The following CEP63 variants were observed in gnomAD, a reference collection of about 807,000 sequenced individuals.
The protein encoded by CEP63 is centrosomal protein of 63 kDa.
A neutral mutation model predicts 89.1 loss-of-function variants in CEP63; 84 were observed. The ratio of observed to expected loss-of-function variants is 0.94; its 90% CI spans 0.79 to 1.13. The LOEUF (loss-of-function observed/expected upper bound fraction) is 1.13, where lower values mean the gene tolerates loss of function less well. CEP63 is among the 50% of genes most tolerant of loss of function. The probability of loss-of-function intolerance (pLI) is 0.00; values close to 1 mark genes in which losing one functional copy is unlikely to be tolerated. For missense variants in CEP63, 838 were observed against 813.3 expected (o/e 1.03, Z -0.37); for synonymous variants, 267 against 272.5 (o/e 0.98, Z 0.20).
intron 12 of CEP63, among the ~76,000 whole-genome samples, chr3:134,555,419 G>A (rs1453716629): frequency 6.6e-6 from 1 of 150,958 alleles, no homozygotes; most frequent in Admixed American, 6.6e-5. Context: ...AGCAACTTCA[G>A]CAAAGTCTCA....
In CEP63 at chr3:134,531,866, G is replaced by A. The variant is rs1432144622; in HGVS notation, c.244G>A (p.Val82Ile). 1 of 1,613,456 alleles carries A rather than the reference G, an allele frequency of 6.2e-7. No homozygotes were observed. The highest frequency in any genetic ancestry group is 1.1e-5 in the South Asian group (1 of 91,070). The change falls in exon 4 of 15, where the codon GTA (valine) becomes ATA (isoleucine). Residue 82 changes from valine to isoleucine, a missense_variant. By Grantham distance (29) the Val-to-Ile change is conservative. Coordinates refer to ENST00000675561, the MANE Select transcript of CEP63 (RefSeq NM_001353108.3). ...TTAGGTTGGAATGTTGCATCAGCAG[G>A]TAGAAGAACATGAAAAAATCAAGCA... ...HKEVGMLHQQ[V>I]EEHEKIKQEM...
At chr3:134,677,660 ATCT>A in the CEP63 span, among the ~76,000 whole-genome samples, 1 of 151,966 alleles carries the variant, frequency 6.6e-6, no homozygotes, top group Non-Finnish European at 1.5e-5. Context: ...AACTGCTCTC[ATCT>A]TCTCCTCCTT....
chr3:134,778,165 T>G, the CEP63 span, among the ~76,000 whole-genome samples: 1 of 150,560 alleles, frequency 6.6e-6, no homozygotes, highest in African/African-American at 2.5e-5. Context: ...TGATGTGATC[T>G]CAGCTCACTG....
the CEP63 span, among the ~76,000 whole-genome samples, chr3:134,592,852 C>T: frequency 6.6e-6 from 1 of 151,970 alleles, no homozygotes; most frequent in Admixed American, 6.6e-5. Flanking sequence ...TTCTTTTCAT[C>T]TGCTCTTTTG....
chr3:134,775,243 G>A, the CEP63 span, among the ~76,000 whole-genome samples: 1 of 152,144 alleles, frequency 6.6e-6, no homozygotes, highest in African/African-American at 2.4e-5. Flanking sequence ...GTGTCCTCAG[G>A]GAAGAGGAGA....
chr3:134,751,513 G>T, the CEP63 span, among the ~76,000 whole-genome samples: 1 of 152,122 alleles, frequency 6.6e-6, no homozygotes, highest in Non-Finnish European at 1.5e-5. Context: ...CTTAGGTGGG[G>T]GTGAGAGATG....
the CEP63 span, among the ~76,000 whole-genome samples, chr3:134,634,003 T>C: frequency 6.6e-6 from 1 of 152,222 alleles, no homozygotes; most frequent in African/African-American, 2.4e-5. Flanking sequence ...CCATTTCCCA[T>C]AGTTCCAAAA....
chr3:134,507,383 C>T (rs1156813399), intron 3 of CEP63, 97 bp downstream of exon 3: 9 of 897,542 alleles, frequency 1.0e-5, no homozygotes, highest in East Asian at 2.7e-5. Flanking sequence ...AATTTGTATA[C>T]CAAGTTAGTT....
At chr3:134,533,634 A>G (rs941771969) in intron 5 of CEP63, among the ~76,000 whole-genome samples, 1 of 152,218 alleles carries the variant, frequency 6.6e-6, no homozygotes, top group African/African-American at 2.4e-5. Context: ...TGTCCTTGCC[A>G]TTAGTTCTTC....
chr3:134,734,502 C>G, the CEP63 span, among the ~76,000 whole-genome samples: 4 of 152,070 alleles, frequency 2.6e-5, no homozygotes, highest in Admixed American at 6.6e-5. Flanking sequence ...GCAAGAGGCA[C>G]AAGTAAACAA....
At chr3:134,521,235 C>G (rs982274587) in intron 3 of CEP63, among the ~76,000 whole-genome samples, 4 of 152,032 alleles carry the variant, frequency 2.6e-5, no homozygotes, top group Non-Finnish European at 4.4e-5. Context: ...TAAACATACA[C>G]CAGAAAGGCT....
chr3:134,737,381 A>G, the CEP63 span, among the ~76,000 whole-genome samples: 1 of 152,206 alleles, frequency 6.6e-6, no homozygotes, highest in Non-Finnish European at 1.5e-5. Flanking sequence ...GATACTTGTA[A>G]TATACCCAAC....
At chr3:134,518,124 A>G (rs1267031687) in intron 3 of CEP63, among the ~76,000 whole-genome samples, 1 of 152,210 alleles carries the variant, frequency 6.6e-6, no homozygotes, top group African/African-American at 2.4e-5. Flanking sequence ...ATTCAATTCT[A>G]TAAATACTTA....
At chr3:134,724,070 G>C in the CEP63 span, among the ~76,000 whole-genome samples, 1 of 152,258 alleles carries the variant, frequency 6.6e-6, no homozygotes, top group African/African-American at 2.4e-5. Context: ...GGGTGAGATT[G>C]CTATTATCCA....
At chr3:134,538,531 GTGTA>G (rs1485223483) in intron 6 of CEP63, among the ~76,000 whole-genome samples, 27 of 99,668 alleles carry the variant, frequency 2.7e-4, no homozygotes, top group African/African-American at 6.4e-4. Context: ...TTGTGTGTGT[GTGTA>G]TATATATATA....
chr3:134,763,577 A>G, the CEP63 span, among the ~76,000 whole-genome samples: 1 of 152,166 alleles, frequency 6.6e-6, no homozygotes, highest in African/African-American at 2.4e-5. Flanking sequence ...TTCATCCTTG[A>G]TTTAAGATAT....
chr3:134,680,488 A>G, the CEP63 span, among the ~76,000 whole-genome samples: 1 of 152,190 alleles, frequency 6.6e-6, no homozygotes, highest in African/African-American at 2.4e-5. Flanking sequence ...AGCTGGGCCC[A>G]TCACTCCCCG....
the CEP63 span, among the ~76,000 whole-genome samples, chr3:134,669,637 T>C: frequency 6.6e-6 from 1 of 152,236 alleles, no homozygotes; most frequent in Non-Finnish European, 1.5e-5. Flanking sequence ...CAGTTTATTT[T>C]ACTTATTGAG....
Position 134,561,646 on chromosome 3 carries a change from C to G in CEP63, c.*111C>G. 6.6e-7 allele frequency: 1 copy of G among 1,511,370 alleles called. No homozygotes were observed. The highest frequency in any genetic ancestry group is 1.3e-5 in the South Asian group (1 of 77,152). The allele number at this position is 1,511,370 out of a possible 1,614,324, so 93.6% of individuals were successfully genotyped here. A position where few individuals can be genotyped will look rare whatever the true frequency, so the allele number is the denominator to read the frequency against. On this transcript the variant is annotated 3_prime_UTR_variant, in exon 15 of 15. Coordinates refer to ENST00000675561, the MANE Select transcript of CEP63 (RefSeq NM_001353108.3). ...AAGAGATAAAATTATAAAAATGATA[C>G]ATCTAAAGCAGTGGTGAAGAAAGCT... is the stretch of plus-strand genomic sequence containing the variant.
Sources: gnomAD v4.1 joint callset for allele counts (sites outside exome capture counted in the v4.1 genomes callset) on GRCh38, gnomAD v4.1.1 for gene constraint, MANE v1.5 for transcripts, NCBI Gene and HGNC (gene_info 2026-07-23, HGNC 2026-07-21) for gene names.